AVEN: variants seen among roughly 807,000 people sequenced by gnomAD.
AVEN encodes apoptosis and caspase activation inhibitor, also known as cell death regulator Aven.
A neutral mutation model predicts 38.1 loss-of-function variants in AVEN; 41 were observed. The ratio of observed to expected loss-of-function variants is 1.08; its 90% CI spans 0.84 to 1.40. The LOEUF (loss-of-function observed/expected upper bound fraction) is 1.40. Among genes scored for constraint, AVEN ranks in the 40% most tolerant of loss-of-function variants. The pLI is 0.00. For synonymous variants in AVEN, 206 were observed against 171.8 expected (o/e 1.20, Z -1.56); for missense variants, 605 against 438.8 (o/e 1.38, Z -3.38).
chr15:33,992,232 A>AC (rs1896753504), intron 2 of AVEN, among the ~76,000 whole-genome samples: 1 of 152,212 alleles, frequency 6.6e-6, no homozygotes, highest in Non-Finnish European at 1.5e-5. Context: ...CTAAAAAAAT[A>AC]CAAAACAGTT....
At chr15:33,910,001 A>T (rs1483542736) in intron 2 of AVEN, among the ~76,000 whole-genome samples, 1 of 151,894 alleles carries the variant, frequency 6.6e-6, no homozygotes, top group Non-Finnish European at 1.5e-5. Context: ...GGTGGTGGAC[A>T]CCTGTAATCT....
intron 2 of AVEN, among the ~76,000 whole-genome samples, chr15:33,928,801 C>T (rs890136249): frequency 1.3e-5 from 2 of 152,106 alleles, no homozygotes. Flanking sequence ...TGCAGTAGCC[C>T]TGGGTCTAAA....
chr15:33,867,677 G>C lies in AVEN; in HGVS notation c.791C>G (p.Pro264Arg). 1.2e-6 allele frequency: 2 copies of C among 1,614,194 alleles called. No individual in the cohort carries two copies. The highest frequency in any genetic ancestry group is 1.7e-6 in the Non-Finnish European group (2 of 1,180,036). ...AGTGGGTTTCTGAGAATCCCTTGAA[G>C]GACCCGGGCTTGGGTTGTCTTTGCC... ...LLGKDNPSPG[P>R]SRDSQKPTSP... Residue 264 changes from proline to arginine, a missense_variant, in exon 5 of 6, where the codon CCT (proline) becomes CGT (arginine). By Grantham distance (103) the Pro-to-Arg change is moderately radical (BLOSUM62 -2). Coordinates refer to ENST00000306730, the MANE Select transcript of AVEN (RefSeq NM_020371.3).
chr15:33,931,349 C>CTTTTTTTTTTTTTTTTTTTTTTTTTTT (rs71119903), intron 2 of AVEN, among the ~76,000 whole-genome samples: 2 of 89,296 alleles, frequency 2.2e-5, no homozygotes, highest in African/African-American at 5.2e-5. Context: ...TGAATATTTT[C>CTTTTTTTTTTTTTTTTTTTTTTTTTTT]TTTTTTTTTT....
intron 2 of AVEN, among the ~76,000 whole-genome samples, chr15:33,881,107 G>T (rs1891468059): frequency 6.6e-6 from 1 of 152,070 alleles, no homozygotes; most frequent in East Asian, 1.9e-4. Context: ...TATTTTAGTG[G>T]AGATTGGGTC....
At chr15:33,914,759 T>C (rs1479318142) in intron 2 of AVEN, among the ~76,000 whole-genome samples, 1 of 151,812 alleles carries the variant, frequency 6.6e-6, no homozygotes, top group Non-Finnish European at 1.5e-5. Context: ...TATGAACTCA[T>C]GATTTTTTTT....
intron 2 of AVEN, among the ~76,000 whole-genome samples, chr15:33,904,694 A>AAAT (rs1464894437): frequency 8.5e-4 from 96 of 112,750 alleles, no homozygotes; most frequent in African/African-American, 2.8e-3. Context: ...AAAAAAAAAA[A>AAAT]ATATATATAT....
chr15:33,946,702 G>A (rs2153055102), intron 2 of AVEN, among the ~76,000 whole-genome samples: 1 of 152,262 alleles, frequency 6.6e-6, no homozygotes, highest in South Asian at 2.1e-4. Flanking sequence ...ACAGGACAAG[G>A]GAAACAGCCC....
At chr15:33,939,478 C>G (rs1316884621) in intron 2 of AVEN, among the ~76,000 whole-genome samples, 1 of 152,130 alleles carries the variant, frequency 6.6e-6, no homozygotes, top group Non-Finnish European at 1.5e-5. Flanking sequence ...AATATATTTA[C>G]AGAGAGACAG....
downstream of AVEN, among the ~76,000 whole-genome samples, chr15:33,855,712 G>A (rs2079583384): frequency 6.6e-6 from 1 of 151,910 alleles, no homozygotes; most frequent in African/African-American, 2.4e-5. Flanking sequence ...TATACACATA[G>A]TACACATTTT....
intron 2 of AVEN, among the ~76,000 whole-genome samples, chr15:33,911,447 G>T (rs896648609): frequency 6.6e-6 from 1 of 152,124 alleles, no homozygotes; most frequent in Non-Finnish European, 1.5e-5. Flanking sequence ...TACATACCCT[G>T]TTCACATGGC....
At position 33,944,895 on chromosome 15, in the gene AVEN, G is replaced by A. The variant is rs533906333; in HGVS notation, c.445+58137C>T. Among the ~76,000 whole-genome samples, 13 of 152,058 alleles carry A rather than the reference G, an allele frequency of 8.5e-5. No individual in the cohort carries two copies. In the East Asian group the frequency reaches 2.3e-3, roughly 27 times the overall value. On this transcript the variant is annotated intron_variant, in intron 2 of 5. Transcript: ENST00000306730. The stretch of plus-strand genomic sequence containing the variant: ...ATAGAAATGCCTTTCCATTAAAGCA[G>A]ATATATAGAAAGTCCTTAAGGTACA...
intron 2 of AVEN, among the ~76,000 whole-genome samples, chr15:33,977,581 T>C (rs922931768): frequency 6.6e-6 from 1 of 152,210 alleles, no homozygotes; most frequent in African/African-American, 2.4e-5. Context: ...AAGGACACTT[T>C]GGAAGAAAGG....
chr15:33,990,054 A>AT (rs1472904927), intron 2 of AVEN, among the ~76,000 whole-genome samples: 1 of 151,812 alleles, frequency 6.6e-6, no homozygotes, highest in Non-Finnish European at 1.5e-5. Flanking sequence ...AATACACAAA[A>AT]TTAGCCGGGC....
chr15:34,009,590 G>C (rs1216870215), intron 1 of AVEN, among the ~76,000 whole-genome samples: 2 of 152,030 alleles, frequency 1.3e-5, no homozygotes, highest in African/African-American at 4.8e-5. Context: ...ACACTAAAGA[G>C]CTAGCATGAC....
chr15:34,026,444 G>A (rs748227874), intron 1 of AVEN, among the ~76,000 whole-genome samples: 1 of 152,142 alleles, frequency 6.6e-6, no homozygotes, highest in Non-Finnish European at 1.5e-5. Context: ...TGATGACAAG[G>A]GGAGATATGT....
In AVEN at chr15:34,038,939, G is replaced by A; in HGVS notation, c.108C>T (p.Ala36=). The A allele has an allele frequency of 9.0e-7, 1 of 1,105,272 alleles. No homozygotes were observed. The highest frequency in any genetic ancestry group is 1.1e-6 in the Non-Finnish European group (1 of 911,062). 68.5% of individuals were successfully genotyped at this position (1,105,272 alleles called of 1,614,324 possible). A position where few individuals can be genotyped will look rare whatever the true frequency, so the allele number is the denominator to read the frequency against. ...SERPGAAAAV[A]RGGGGGGGGD... is the part of the protein sequence containing the mutation. The stretch of plus-strand genomic sequence containing the variant: ...CGCCGCCGCCTCCGCCGCCGCCTCT[G>A]GCTACCGCCGCTGCGGCTCCGGGCC... Residue 36 remains alanine (A), a synonymous_variant, in exon 1 of 6, where the codon GCC becomes GCT. Coordinates refer to ENST00000306730, the MANE Select transcript of AVEN (RefSeq NM_020371.3).
chr15:34,026,541 C>T (rs1484869921), intron 1 of AVEN, among the ~76,000 whole-genome samples: 1 of 152,014 alleles, frequency 6.6e-6, no homozygotes, highest in Non-Finnish European at 1.5e-5. Context: ...CACATATAAG[C>T]TGACGTCACC....
chr15:33,923,566 G>A (rs1893489884), intron 2 of AVEN, among the ~76,000 whole-genome samples: 1 of 152,190 alleles, frequency 6.6e-6, no homozygotes, highest in African/African-American at 2.4e-5. Flanking sequence ...CTGCTATAGT[G>A]CAAAGGCAAT....
Sources: gnomAD v4.1 joint callset for allele counts (sites outside exome capture counted in the v4.1 genomes callset) on GRCh38, gnomAD v4.1.1 for gene constraint, MANE v1.5 for transcripts, NCBI Gene and HGNC (gene_info 2026-07-23, HGNC 2026-07-21) for gene names.